Variants in JCAD observed in about 807,000 individuals in gnomAD.
The protein encoded by JCAD is junctional cadherin 5-associated protein.
JCAD carries 40 observed loss-of-function variants against 98.0 expected under a neutral mutation model. That is an observed-to-expected ratio of 0.41 (90% CI 0.32 to 0.53). JCAD has a LOEUF of 0.53. Among genes scored for constraint, JCAD ranks in the 20% least tolerant of loss-of-function variants. The probability of loss-of-function intolerance (pLI) is 0.31; values close to 1 mark genes in which losing one functional copy is unlikely to be tolerated. For synonymous variants in JCAD, 691 were observed against 682.3 expected (o/e 1.01, Z -0.20); for missense variants, 1,705 against 1,738.1 (o/e 0.98, Z 0.34).
At chr10:30,113,844 C>A (rs925382857) in intron 1 of JCAD, among the ~76,000 whole-genome samples, 4 of 152,174 alleles carry the variant, frequency 2.6e-5, no homozygotes, top group African/African-American at 9.7e-5. Context: ...GCACCCTGCC[C>A]AGGGACCACT....
intron 2 of JCAD, among the ~76,000 whole-genome samples, chr10:30,037,198 T>G (rs1268966080): frequency 6.6e-6 from 1 of 152,260 alleles, no homozygotes; most frequent in African/African-American, 2.4e-5. Flanking sequence ...GAATTTGCTC[T>G]GAAAGCTCTC....
At chr10:30,060,502 A>G (rs975881771), upstream of JCAD, among the ~76,000 whole-genome samples, 2 of 152,256 alleles carry the variant, frequency 1.3e-5, no homozygotes, top group Admixed American at 1.3e-4. Flanking sequence ...GAAGGCAGAC[A>G]GAAGACAAAA....
In JCAD at chr10:30,089,636, C is replaced by T. The variant is rs559914574; in HGVS notation, n.129-19815G>A. The stretch of plus-strand genomic sequence containing the variant: ...GAAATACATAAAAATATCTAGAGTT[C>T]ATTAGATAATTGCTTCATAGAATAC... On this transcript the variant is annotated intron_variant and non_coding_transcript_variant, in intron 1 of 2. Transcript: ENST00000465712. Among the ~76,000 whole-genome samples, 7 of 151,768 alleles carry T rather than the reference C, an allele frequency of 4.6e-5. No individual in the cohort carries two copies. The South Asian group carries it at 1.5e-3, about 32-fold the overall frequency.
chr10:30,027,007 G>C lies in JCAD; in HGVS notation c.3141C>G (p.Asp1047Glu). 1 of 1,614,208 alleles carries C rather than the reference G, an allele frequency of 6.2e-7. No individual in the cohort carries two copies. Among genetic ancestry groups the C allele is most frequent in the Non-Finnish European group, 8.5e-7 (1 of 1,180,042 alleles). ...SNKNRGLSAPDLRSVGLTPGQ... is the reference protein window; with the variant it reads ...SNKNRGLSAPELRSVGLTPGQ... The stretch of plus-strand genomic sequence containing the variant: ...CAGGGGTGAGCCCCACAGACCGTAA[G>C]TCTGGAGCTGAGAGCCCTCGGTTCT... The change falls in exon 3 of 4, where the codon GAC becomes GAG. Residue 1047 changes from aspartate to glutamate, a missense_variant. By Grantham distance (45) the Asp-to-Glu change is conservative. Coordinates refer to ENST00000375377, the MANE Select transcript of JCAD (RefSeq NM_020848.4).
Position 30,017,598 on chromosome 10 carries a change from A to G in JCAD, c.*285T>C, listed in dbSNP as rs1442467878. 2 of 518,914 alleles carry G rather than the reference A, an allele frequency of 3.9e-6. No individual in the cohort carries two copies. Among genetic ancestry groups the G allele is most frequent in the African/African-American group, 3.9e-5 (2 of 51,282 alleles). The allele number at this position is 518,914 out of a possible 1,614,324, so 32.1% of individuals were successfully genotyped here. On this transcript the variant is annotated 3_prime_UTR_variant, in exon 4 of 4. Coordinates refer to ENST00000375377, the MANE Select transcript of JCAD (RefSeq NM_020848.4). ...CCAAACTATTTACCAGCTTAGTCAAATCTGTCATGAGGGAGGGTTTCTGTG... is the reference window on the plus strand; with the variant it reads ...CCAAACTATTTACCAGCTTAGTCAAGTCTGTCATGAGGGAGGGTTTCTGTG...
chr10:30,029,119 C>T lies in JCAD; in HGVS notation c.1029G>A (p.Pro343=), dbSNP rs771090418. 42 of 1,613,964 alleles carry T rather than the reference C, an allele frequency of 2.6e-5. No homozygotes were observed. The South Asian group carries it at 3.5e-4, about 14-fold the overall frequency. The part of the protein sequence containing the change: ...PGLEPPVYVP[P]PSYRSPPQNI... The stretch of plus-strand genomic sequence containing the variant: ...TCTGCGGGGGCGATCTGTATGAGGG[C>T]GGAGGCACGTACACTGGAGGTTCCA... Residue 343 remains proline (P), a synonymous_variant, in exon 3 of 4, where the codon CCG becomes CCA. Transcript: ENST00000375377.
upstream of JCAD, among the ~76,000 whole-genome samples, chr10:30,061,850 A>T (rs1380881775): frequency 2.0e-5 from 3 of 152,068 alleles, no homozygotes; most frequent in African/African-American, 7.2e-5. Flanking sequence ...GTTTCTCCTC[A>T]ATTTGCCAAC....
At chr10:30,036,102 C>T (rs1837104680) in intron 2 of JCAD, among the ~76,000 whole-genome samples, 1 of 152,170 alleles carries the variant, frequency 6.6e-6, no homozygotes, top group Non-Finnish European at 1.5e-5. Context: ...CCTTCTCAAC[C>T]ACAATGGAAA....
intron 1 of JCAD, among the ~76,000 whole-genome samples, chr10:30,105,330 C>T (rs1838553760): frequency 6.6e-6 from 1 of 151,732 alleles, no homozygotes; most frequent in Non-Finnish European, 1.5e-5. Flanking sequence ...GGGCTCCTTT[C>T]TCTCTGTCTG....
chr10:30,041,417 C>T (rs996766345), intron 2 of JCAD, among the ~76,000 whole-genome samples: 140 of 152,300 alleles, frequency 9.2e-4, no homozygotes, highest in African/African-American at 3.1e-3. Flanking sequence ...AACATAGAAA[C>T]AGATGTTAAA....
At chr10:30,069,503 C>T (rs7920470) in intron 2 of JCAD, among the ~76,000 whole-genome samples, 37,516 of 150,730 alleles carry the variant, frequency 0.25, 4,865 homozygotes, top group Middle Eastern at 0.31. Context: ...GGAGAATGGC[C>T]TCAACCTGGG....
chr10:30,100,507 A>G (rs1838452123), intron 1 of JCAD, among the ~76,000 whole-genome samples: 1 of 151,844 alleles, frequency 6.6e-6, no homozygotes. Context: ...TCAGCCTCCC[A>G]AGTAGCTGGT....
intron 1 of JCAD, among the ~76,000 whole-genome samples, chr10:30,077,561 A>G (rs1369107454): frequency 6.6e-6 from 1 of 152,178 alleles, no homozygotes; most frequent in Non-Finnish European, 1.5e-5. Flanking sequence ...CCCAAACAGA[A>G]ACTGTATTCA....
chr10:30,047,883 C>T lies in JCAD; in HGVS notation c.-59-12G>A. The T allele has an allele frequency of 1.3e-6, 2 of 1,493,914 alleles. No individual in the cohort carries two copies. The highest frequency in any genetic ancestry group is 1.8e-6 in the Non-Finnish European group (2 of 1,107,562). The allele number at this position is 1,493,914 out of a possible 1,614,324, so 92.5% of individuals were successfully genotyped here. ...GGCAGGACCCAGCACTGCAGGACAA[C>T]AGAGAGCTCTATTTGTGACTAGGTC... On this transcript the variant is annotated splice_polypyrimidine_tract_variant and intron_variant, in intron 1 of 3. Coordinates refer to ENST00000375377, the MANE Select transcript of JCAD (RefSeq NM_020848.4).
At chr10:30,057,838 T>C (rs1837608144) in intron 1 of JCAD, among the ~76,000 whole-genome samples, 1 of 152,172 alleles carries the variant, frequency 6.6e-6, no homozygotes, top group Non-Finnish European at 1.5e-5. Flanking sequence ...TCAAGGTAAA[T>C]AATTAAGTCC....
At position 30,028,702 on chromosome 10, in the gene JCAD, G is replaced by T. The variant is rs759326063; in HGVS notation, c.1446C>A (p.Pro482=). ...GAIWNPQSLI[P]PSGDERGLVL... Reference sequence around the variant, plus strand: ...CCAGGCCTCTCTCATCCCCCGACGGGGGTATTAAGCTCTGTGGATTCCAAA... The same window carrying T: ...CCAGGCCTCTCTCATCCCCCGACGGTGGTATTAAGCTCTGTGGATTCCAAA... The change falls in exon 3 of 4, where the codon CCC becomes CCA. Residue 482 remains proline, a synonymous_variant. Coordinates refer to ENST00000375377, the MANE Select transcript of JCAD (RefSeq NM_020848.4). The T allele has an allele frequency of 1.4e-5, 23 of 1,611,416 alleles. No individual in the cohort carries two copies. The Admixed American group carries it at 2.3e-4, about 16-fold the overall frequency.
chr10:30,039,594 C>T (rs1490496868), intron 2 of JCAD, among the ~76,000 whole-genome samples: 2 of 152,208 alleles, frequency 1.3e-5, no homozygotes, highest in Non-Finnish European at 2.9e-5. Context: ...ATGTCTGTGG[C>T]CAGTCCTTGG....
intron 3 of JCAD, among the ~76,000 whole-genome samples, chr10:30,024,557 G>A (rs1031682186): frequency 1.3e-5 from 2 of 152,134 alleles, no homozygotes; most frequent in Non-Finnish European, 2.9e-5. Context: ...TGTCCAACTA[G>A]AGGATCCAAC....
chr10:30,091,354 G>T (rs1838260661), intron 1 of JCAD, among the ~76,000 whole-genome samples: 1 of 152,164 alleles, frequency 6.6e-6, no homozygotes, highest in Admixed American at 6.5e-5. Context: ...GGCGTAGGAG[G>T]TAGGAAGGTG....
Sources: allele counts gnomAD v4.1 joint callset (sites outside exome capture counted in the v4.1 genomes callset), GRCh38; gene constraint gnomAD v4.1.1; transcripts MANE v1.5; gene names NCBI Gene and HGNC (gene_info 2026-07-23, HGNC 2026-07-21).